PDS5A: variants seen among roughly 807,000 people sequenced by gnomAD.
PDS5A encodes PDS5 cohesin associated factor A, also known as sister chromatid cohesion protein PDS5 homolog A.
Under a neutral mutation model 167.1 loss-of-function variants are expected in PDS5A, and 42 were observed. The observed-to-expected ratio is 0.25, with a 90% CI of 0.20 to 0.33. The LOEUF (loss-of-function observed/expected upper bound fraction) is 0.33. Ranked by LOEUF, PDS5A falls within the 10% of genes least tolerant of loss-of-function variation. PDS5A has a pLI of 1.00. For synonymous variants in PDS5A, 553 were observed against 554.6 expected, an observed-to-expected ratio of 1.00 and a Z score of 0.04; for missense variants, 1,033 against 1,605.9, an observed-to-expected ratio of 0.64 and a Z score of 6.10.
intron 2 of PDS5A, among the ~76,000 whole-genome samples, chr4:39,971,620 T>C (rs1730546871): frequency 6.6e-6 from 1 of 151,934 alleles, no homozygotes; most frequent in Admixed American, 6.6e-5. Context: ...CCACCACACC[T>C]GGCTAATTTT....
intron 26 of PDS5A, among the ~76,000 whole-genome samples, chr4:39,853,595 T>A (rs1047930601): frequency 1.1e-4 from 17 of 152,214 alleles, no homozygotes; most frequent in Non-Finnish European, 1.9e-4. Flanking sequence ...TGGAAAATTA[T>A]TTTTATTTCC....
At chr4:39,875,041 T>A (rs966842844) in intron 19 of PDS5A, among the ~76,000 whole-genome samples, 1 of 152,208 alleles carries the variant, frequency 6.6e-6, no homozygotes, top group Non-Finnish European at 1.5e-5. Flanking sequence ...AAAGATGTTA[T>A]TTAAGCCTCC....
intron 14 of PDS5A, among the ~76,000 whole-genome samples, chr4:39,899,994 C>T (rs972876127): frequency 2.6e-5 from 4 of 151,888 alleles, no homozygotes; most frequent in Non-Finnish European, 5.9e-5. Context: ...GTTTTTTTCC[C>T]CAACCTTGCA....
intron 11 of PDS5A, among the ~76,000 whole-genome samples, chr4:39,905,323 C>T (rs971438985): frequency 1.6e-4 from 24 of 151,694 alleles, no homozygotes; most frequent in Non-Finnish European, 2.6e-4. Context: ...TTTGGGAGGC[C>T]GAGGCAGGTG....
At chr4:39,960,290 C>G (rs1202529505) in intron 2 of PDS5A, among the ~76,000 whole-genome samples, 1 of 151,850 alleles carries the variant, frequency 6.6e-6, no homozygotes, top group Non-Finnish European at 1.5e-5. Flanking sequence ...ACAAAAACAA[C>G]AAAAACAAAA....
intron 11 of PDS5A, among the ~76,000 whole-genome samples, chr4:39,907,460 G>A (rs1045336476): frequency 6.6e-6 from 1 of 152,108 alleles, no homozygotes; most frequent in Non-Finnish European, 1.5e-5. Context: ...AGGTAATCAT[G>A]AAACATGCTA....
At chr4:39,891,023 T>C (rs979668104) in intron 16 of PDS5A, among the ~76,000 whole-genome samples, 137 of 152,186 alleles carry the variant, frequency 9.0e-4, no homozygotes, top group African/African-American at 2.9e-3. Flanking sequence ...GAACATTGTG[T>C]TTTGTTTCAG....
chr4:39,849,790 A>T (rs1717956781), intron 26 of PDS5A, 138 bp from the exon 27 acceptor site: 1 of 557,838 alleles, frequency 1.8e-6, no homozygotes, highest in Non-Finnish European at 3.1e-6. Context: ...ATATGTTATT[A>T]TCCTAATAAT....
chr4:39,952,194 G>A (rs1007232863), intron 2 of PDS5A, among the ~76,000 whole-genome samples: 1 of 152,062 alleles, frequency 6.6e-6, no homozygotes, highest in Non-Finnish European at 1.5e-5. Flanking sequence ...AGCCGGGTAT[G>A]GTGGCATGTG....
intron 8 of PDS5A, among the ~76,000 whole-genome samples, chr4:39,914,107 G>GC (rs1724130097): frequency 6.6e-6 from 1 of 150,730 alleles, no homozygotes; most frequent in Non-Finnish European, 1.5e-5. Context: ...TAGGAAATCT[G>GC]CAATTTACGT....
chr4:39,843,920 G>A (rs1717303794), intron 30 of PDS5A, among the ~76,000 whole-genome samples: 1 of 151,870 alleles, frequency 6.6e-6, no homozygotes, highest in East Asian at 1.9e-4. Flanking sequence ...TGAAGGGGGT[G>A]GATCACTTGA....
chr4:39,974,140 T>C, intron 2 of PDS5A: 1 of 573,144 alleles, frequency 1.7e-6, no homozygotes, highest in South Asian at 1.4e-5. Context: ...ATAAAAACCG[T>C]GCTGCATACT....
chr4:39,865,659 G>A (rs538543302), intron 23 of PDS5A, among the ~76,000 whole-genome samples: 37 of 152,350 alleles, frequency 2.4e-4, no homozygotes, highest in African/African-American at 8.9e-4. Flanking sequence ...CCCAGTAGCT[G>A]GGATTATAGG....
chr4:39,828,585 A>T (rs1439781054), intron 32 of PDS5A, among the ~76,000 whole-genome samples: 1 of 152,250 alleles, frequency 6.6e-6, no homozygotes, highest in African/African-American at 2.4e-5. Context: ...AAATGAAGTT[A>T]ACAAACCTAA....
chr4:39,975,177 G>C (rs929349413), intron 2 of PDS5A, among the ~76,000 whole-genome samples: 1 of 151,958 alleles, frequency 6.6e-6, no homozygotes, highest in African/African-American at 2.4e-5. Context: ...TACTTGGGAG[G>C]CTGAGGCAGA....
intron 29 of PDS5A, among the ~76,000 whole-genome samples, chr4:39,845,033 C>T (rs1717463719): frequency 6.6e-6 from 1 of 152,038 alleles, no homozygotes; most frequent in African/African-American, 2.4e-5. Context: ...AAGAGTGAAA[C>T]CCAACCTCTA....
At chr4:39,939,491 T>C (rs1287452019) in intron 2 of PDS5A, among the ~76,000 whole-genome samples, 1 of 149,050 alleles carries the variant, frequency 6.7e-6, no homozygotes, top group Non-Finnish European at 1.5e-5. Flanking sequence ...AAAAAAAAAT[T>C]TTTTTTAAAT....
chr4:39,929,881 A>G (rs1290841431), intron 2 of PDS5A, among the ~76,000 whole-genome samples: 1 of 149,808 alleles, frequency 6.7e-6, no homozygotes, highest in Non-Finnish European at 1.5e-5. Context: ...AAGTAGGTGG[A>G]TCTACAAGCA....
intron 32 of PDS5A, among the ~76,000 whole-genome samples, chr4:39,835,001 C>T (rs1716259401): frequency 6.6e-6 from 1 of 152,198 alleles, no homozygotes; most frequent in Non-Finnish European, 1.5e-5. Flanking sequence ...GATGGAGTCT[C>T]ACTCTGTCGT....
Sources: allele counts gnomAD v4.1 joint callset (sites outside exome capture counted in the v4.1 genomes callset), GRCh38; gene constraint gnomAD v4.1.1; transcripts MANE v1.5; gene names NCBI Gene and HGNC (gene_info 2026-07-23, HGNC 2026-07-21).